Variants in DICER1 observed in about 807,000 individuals in gnomAD.
DICER1 encodes the protein dicer 1, ribonuclease III, also known as endoribonuclease Dicer.
In DICER1, 43 loss-of-function variants were observed where a neutral mutation model predicts 194.1. The observed-to-expected ratio is 0.22, with a 90% CI of 0.17 to 0.29. DICER1 has a LOEUF of 0.29. Ranked by LOEUF, DICER1 falls within the 10% of genes least tolerant of loss-of-function variation. The pLI is 1.00. For synonymous variants in DICER1, 832 were observed against 820.5 expected (o/e 1.01, Z -0.24); for missense variants, 1,608 against 2,317.0 (o/e 0.69, Z 6.28).
intron 23 of DICER1, chr14:95,095,566 C>A (rs1366781610): frequency 2.1e-6 from 1 of 485,498 alleles, no homozygotes; most frequent in African/African-American, 1.9e-5. Context: ...GTTAAAATTT[C>A]TCTAATTAGG....
intron 14 of DICER1, among the ~76,000 whole-genome samples, chr14:95,110,387 C>A (rs952194455): frequency 1.5e-4 from 23 of 152,220 alleles, no homozygotes; most frequent in Admixed American, 1.0e-3. Flanking sequence ...CCCATGCTCA[C>A]TCACAGTGGG....
At chr14:95,091,802 T>C (rs1193933321) in intron 24 of DICER1, among the ~76,000 whole-genome samples, 2 of 152,188 alleles carry the variant, frequency 1.3e-5, no homozygotes, top group Non-Finnish European at 2.9e-5. Context: ...GTATGCTGCT[T>C]TGGGGAGCAG....
intron 14 of DICER1, among the ~76,000 whole-genome samples, chr14:95,108,904 T>TA (rs1447464812): frequency 2.6e-5 from 4 of 152,236 alleles, no homozygotes; most frequent in African/African-American, 4.8e-5. Context: ...GGCAAATTTT[T>TA]AAAAAATCAC....
At chr14:95,152,067 T>C (rs551474478) in intron 1 of DICER1, among the ~76,000 whole-genome samples, 1 of 152,362 alleles carries the variant, frequency 6.6e-6, no homozygotes, top group South Asian at 2.1e-4. Context: ...ACAGACCTCA[T>C]TTTCTAATCC....
intron 1 of DICER1, among the ~76,000 whole-genome samples, chr14:95,134,792 C>T (rs1050005982): frequency 6.6e-6 from 1 of 152,200 alleles, no homozygotes; most frequent in Non-Finnish European, 1.5e-5. Context: ...CCTGACAGCA[C>T]AATCACGCTC....
chr14:95,138,074 G>A (rs1165829970), intron 1 of DICER1: 1 of 154,398 alleles, frequency 6.5e-6, no homozygotes, highest in East Asian at 1.9e-4. Flanking sequence ...TTCACCTCAA[G>A]ACACCAACCT....
intron 16 of DICER1, 40 bp from the exon 17 acceptor site, chr14:95,107,801 G>A: frequency 6.2e-7 from 1 of 1,611,812 alleles, no homozygotes; most frequent in Non-Finnish European, 8.5e-7. Context: ...GTTAAAACAT[G>A]ATACAGATAA....
At chr14:95,143,303 G>A (rs1353193965) in intron 1 of DICER1, among the ~76,000 whole-genome samples, 1 of 152,122 alleles carries the variant, frequency 6.6e-6, no homozygotes, top group African/African-American at 2.4e-5. Context: ...TTGACGTAAG[G>A]ACAAATACAA....
At chr14:95,138,357 A>G (rs1012192532) in intron 1 of DICER1, among the ~76,000 whole-genome samples, 3 of 152,052 alleles carry the variant, frequency 2.0e-5, no homozygotes, top group Non-Finnish European at 1.5e-5. Context: ...GAAAGGTTAC[A>G]TTTATCAACA....
intron 26 of DICER1, 160 bp from the exon 27 acceptor site, chr14:95,090,823 C>G: frequency 2.0e-6 from 2 of 999,202 alleles, no homozygotes; most frequent in Non-Finnish European, 3.1e-6. Context: ...ATACCCCCGA[C>G]AGACAGGGCT....
intron 23 of DICER1, 88 bp from the exon 24 acceptor site, chr14:95,094,244 A>T: frequency 6.7e-7 from 1 of 1,489,152 alleles, no homozygotes. Context: ...TCCGAAGAAG[A>T]TTTGTATTTA....
At chr14:95,101,864 G>A (rs1396305925) in intron 21 of DICER1, among the ~76,000 whole-genome samples, 1 of 152,152 alleles carries the variant, frequency 6.6e-6, no homozygotes, top group African/African-American at 2.4e-5. Context: ...GAAATGCTTG[G>A]TGTGCTGCCT....
intron 10 of DICER1, 96 bp downstream of exon 10, chr14:95,116,357 A>T: frequency 7.0e-7 from 1 of 1,429,394 alleles, no homozygotes; most frequent in Non-Finnish European, 9.6e-7. Context: ...TGTAGATAAA[A>T]CTCATTATCT....
At chr14:95,102,099 T>G (rs570337914) in intron 21 of DICER1, among the ~76,000 whole-genome samples, 1 of 152,348 alleles carries the variant, frequency 6.6e-6, no homozygotes, top group South Asian at 2.1e-4. Flanking sequence ...TGTGTATATA[T>G]GTGGGTGTGT....
intron 14 of DICER1, among the ~76,000 whole-genome samples, chr14:95,110,721 G>A (rs182365711): frequency 5.3e-4 from 81 of 152,222 alleles, no homozygotes; most frequent in Middle Eastern, 3.4e-3. Context: ...AAATACTTCA[G>A]CCAAGTTTGT....
Position 95,090,084 on chromosome 14 carries a change from A to G in DICER1, c.*414T>C, listed in dbSNP as rs1191648874. ...GACTGGCACTACTGCACACACGGAG[A>G]GATGGAGAAGAATCTACATCATCCT... On this transcript the variant is annotated 3_prime_UTR_variant, in exon 27 of 27. Transcript: ENST00000343455. 2.8e-6 allele frequency: 1 copy of G among 360,030 alleles called. No homozygotes were observed. The highest frequency in any genetic ancestry group is 5.2e-6 in the Non-Finnish European group (1 of 193,572). The allele number at this position is 360,030 out of a possible 1,614,324, so 22.3% of individuals were successfully genotyped here. A position where few individuals can be genotyped will look rare whatever the true frequency, so the allele number is the denominator to read the frequency against.
Position 95,107,136 on chromosome 14 carries a change from G to T in DICER1, c.2804+472C>A, listed in dbSNP as rs912646667. Among the ~76,000 whole-genome samples, 30 of 152,056 alleles carry T rather than the reference G, an allele frequency of 2.0e-4. 1 individual carries two copies. Among genetic ancestry groups the T allele is most frequent in the African/African-American group, 7.0e-4 (29 of 41,384 alleles). On this transcript the variant is annotated intron_variant, in intron 17 of 26. Coordinates refer to ENST00000343455, the MANE Select transcript of DICER1 (RefSeq NM_177438.3). ...GGGCTGAAGCAATCTTCCCACCTCA[G>T]CCCTGAGTAGCTGTGATTACAGCAC...
chr14:95,101,755 C>A (rs1171751801), intron 21 of DICER1, among the ~76,000 whole-genome samples: 3 of 152,146 alleles, frequency 2.0e-5, no homozygotes, highest in Non-Finnish European at 1.5e-5. Flanking sequence ...TGACAGGAGC[C>A]CATTCGACTC....
In DICER1 at chr14:95,104,049, G is replaced by T. The variant is rs1236050119; in HGVS notation, c.3347C>A (p.Ala1116Asp). The T allele has an allele frequency of 6.2e-7, 1 of 1,614,050 alleles. No homozygotes were observed. Among genetic ancestry groups the T allele is most frequent in the Non-Finnish European group, 8.5e-7 (1 of 1,179,976 alleles). ...GTGCTTACAGTAATTATCATTTTCA[G>T]CTGAAGAGGAGTTAGAAATTGAGAT... ...SFISISNSSS[A>D]ENDNYCKHST... The change falls in exon 21 of 27, where the codon GCT (alanine) becomes GAT (aspartate). Residue 1116 changes from alanine (A) to aspartate (D), a missense_variant. Transcript: ENST00000343455.
Sources: allele counts gnomAD v4.1 joint callset (sites outside exome capture counted in the v4.1 genomes callset), GRCh38; gene constraint gnomAD v4.1.1; transcripts MANE v1.5; gene names NCBI Gene and HGNC (gene_info 2026-07-23, HGNC 2026-07-21).